THRB: variants seen among roughly 807,000 people sequenced by gnomAD.
The protein encoded by THRB is thyroid hormone receptor beta, also known as nuclear receptor subfamily 1 group A member 2.
Under a neutral mutation model 47.8 loss-of-function variants are expected in THRB, and 12 were observed. The ratio of observed to expected loss-of-function variants is 0.25; its 90% confidence interval spans 0.16 to 0.41. The LOEUF (loss-of-function observed/expected upper bound fraction) is 0.41, where lower values mean the gene tolerates loss of function less well. Among genes scored for constraint, THRB ranks in the 10% least tolerant of loss-of-function variants. The pLI, the probability that THRB is intolerant of heterozygous loss-of-function variation, is 1.00. For missense variants in THRB, 348 were observed against 589.2 expected, an observed-to-expected ratio of 0.59 and a Z score of 4.24; for synonymous variants, 218 against 212.2, an observed-to-expected ratio of 1.03 and a Z score of -0.24.
At chr3:24,422,733 C>G (rs2069387784) in intron 1 of THRB, among the ~76,000 whole-genome samples, 1 of 151,856 alleles carries the variant, frequency 6.6e-6, no homozygotes, top group South Asian at 2.1e-4. Flanking sequence ...AAAGTTCAGG[C>G]CTTACATCAA....
At chr3:24,467,393 C>A (rs2074240106) in intron 1 of THRB, among the ~76,000 whole-genome samples, 1 of 152,150 alleles carries the variant, frequency 6.6e-6, no homozygotes, top group Non-Finnish European at 1.5e-5. Context: ...CACGAATATC[C>A]TTATTGGCAT....
At chr3:24,204,749 C>T (rs1192712283) in intron 4 of THRB, among the ~76,000 whole-genome samples, 1 of 152,122 alleles carries the variant, frequency 6.6e-6, no homozygotes, top group Non-Finnish European at 1.5e-5. Context: ...AAGCTAAAAA[C>T]CTTGAAAAAA....
intron 1 of THRB, among the ~76,000 whole-genome samples, chr3:24,342,724 G>T (rs1275223586): frequency 6.6e-6 from 1 of 152,076 alleles, no homozygotes; most frequent in Non-Finnish European, 1.5e-5. Context: ...ACCATACAAG[G>T]TGTTGCTCAG....
At chr3:24,170,549 C>T (rs1222908399) in intron 5 of THRB, among the ~76,000 whole-genome samples, 2 of 152,210 alleles carry the variant, frequency 1.3e-5, no homozygotes, top group East Asian at 3.9e-4. Flanking sequence ...TACTTATCAA[C>T]CCTCCTGCTT....
In THRB at chr3:24,450,585, C is replaced by T. The variant is rs76433668; in HGVS notation, c.-261+44067G>A. Among the ~76,000 whole-genome samples, 83 of 152,294 alleles carry T rather than the reference C, an allele frequency of 5.4e-4. No homozygotes were observed. The East Asian group carries it at 0.015, about 28-fold the overall frequency. ...CAATTCATGACAACCTTTGTACTTA[C>T]TGTTCCTAAAAACTCAAAGACGAGT... On this transcript the variant is annotated intron_variant, in intron 1 of 10. Coordinates refer to ENST00000646209, the MANE Select transcript of THRB (RefSeq NM_001354712.2).
At position 24,190,297 on chromosome 3, in the gene THRB, A is replaced by G. The variant is rs2043172721; in HGVS notation, c.60T>C (p.Cys20=). 1 of 1,614,052 alleles carries G rather than the reference A, an allele frequency of 6.2e-7. No homozygotes were observed. The highest frequency in any genetic ancestry group is 8.5e-7 in the Non-Finnish European group (1 of 1,179,958). ...GLTAWDKPKH[C]PDREHDWKLV... is the part of the protein sequence containing the mutation. Reference sequence around the variant, plus strand: ...GCTTCCAGTCGTGTTCTCGGTCTGGACAGTGCTTCGGTTTGTCCCAGGCTG... The same window carrying G: ...GCTTCCAGTCGTGTTCTCGGTCTGGGCAGTGCTTCGGTTTGTCCCAGGCTG... The change falls in exon 5 of 11, where the codon TGT becomes TGC. Residue 20 remains cysteine, a synonymous_variant. Transcript: ENST00000646209.
intron 3 of THRB, among the ~76,000 whole-genome samples, chr3:24,233,488 A>G (rs2048451405): frequency 1.1e-5 from 1 of 89,172 alleles, no homozygotes; most frequent in African/African-American, 4.4e-5. Flanking sequence ...TAAGAAAAGA[A>G]AAAAAGAAAG....
intron 3 of THRB, among the ~76,000 whole-genome samples, chr3:24,273,121 A>C (rs826236): frequency 0.88 from 134,413 of 152,146 alleles, 59,807 homozygotes; most frequent in East Asian, 0.96. Flanking sequence ...ACAGGTTGCT[A>C]TGAATTAAAC....
chr3:24,488,734 C>T (rs892272741), intron 1 of THRB, among the ~76,000 whole-genome samples: 27 of 151,938 alleles, frequency 1.8e-4, no homozygotes, highest in African/African-American at 6.5e-4. Flanking sequence ...TCCTTCACTG[C>T]CTTAAATGAA....
rs182790495 is a variant in THRB at position 24,401,061 on chromosome 3, A to G, written c.-260-63690T>C. Reference sequence around the variant, plus strand: ...AGTACTTACATCTCATTAACCACCAATTATCACATTCATAATTTAACACAA... The same window carrying G: ...AGTACTTACATCTCATTAACCACCAGTTATCACATTCATAATTTAACACAA... On this transcript the variant is annotated intron_variant, in intron 1 of 10. Coordinates refer to ENST00000646209, the MANE Select transcript of THRB (RefSeq NM_001354712.2). Among the ~76,000 whole-genome samples, 788 of 152,162 alleles carry G rather than the reference A, an allele frequency of 5.2e-3. 10 individuals are homozygous for G. Among genetic ancestry groups the G allele is most frequent in the African/African-American group, 0.018 (731 of 41,554 alleles).
intron 1 of THRB, among the ~76,000 whole-genome samples, chr3:24,380,677 G>C (rs1456118853): frequency 6.6e-6 from 1 of 152,078 alleles, no homozygotes; most frequent in East Asian, 1.9e-4. Context: ...TACCTAGAAA[G>C]AACTGTACAG....
chr3:24,199,619 AATC>A (rs2044364423), intron 4 of THRB, among the ~76,000 whole-genome samples: 1 of 152,230 alleles, frequency 6.6e-6, no homozygotes, highest in African/African-American at 2.4e-5. Context: ...AATGAAAAAC[AATC>A]ATCATGACTG....
intron 4 of THRB, among the ~76,000 whole-genome samples, chr3:24,196,857 A>G (rs1242787235): frequency 6.6e-6 from 1 of 152,210 alleles, no homozygotes; most frequent in Non-Finnish European, 1.5e-5. Context: ...TGGTAGCTCA[A>G]ATAACATAAC....
intron 1 of THRB, among the ~76,000 whole-genome samples, chr3:24,418,175 G>T (rs1182381941): frequency 2.6e-5 from 4 of 151,270 alleles, no homozygotes; most frequent in Non-Finnish European, 4.4e-5. Flanking sequence ...TGTTATAGCA[G>T]TCTGCAACCC....
intron 4 of THRB, among the ~76,000 whole-genome samples, chr3:24,225,535 C>T (rs980904600): frequency 6.6e-6 from 1 of 152,196 alleles, no homozygotes; most frequent in Non-Finnish European, 1.5e-5. Context: ...TAATATCATA[C>T]AGCCAGGTTC....
At chr3:24,193,881 C>G (rs898920986) in intron 4 of THRB, among the ~76,000 whole-genome samples, 1 of 152,168 alleles carries the variant, frequency 6.6e-6, no homozygotes, top group African/African-American at 2.4e-5. Flanking sequence ...AAATGCCCAT[C>G]AATCAACTCA....
chr3:24,176,915 C>T (rs529339586), intron 5 of THRB, among the ~76,000 whole-genome samples: 3 of 152,116 alleles, frequency 2.0e-5, no homozygotes, highest in Non-Finnish European at 2.9e-5. Flanking sequence ...GAACTATACA[C>T]TTAAAACAGG....
intron 4 of THRB, among the ~76,000 whole-genome samples, chr3:24,196,589 C>T (rs1368410656): frequency 6.6e-6 from 1 of 151,978 alleles, no homozygotes; most frequent in African/African-American, 2.4e-5. Context: ...AAGAGCATTC[C>T]CCCCACCCCA....
chr3:24,256,286 T>A (rs1318883249), intron 3 of THRB, among the ~76,000 whole-genome samples: 1 of 89,478 alleles, frequency 1.1e-5, no homozygotes, highest in African/African-American at 3.2e-5. Context: ...ACTTGGTTAG[T>A]GGAAGAGGGC....
Sources: gnomAD v4.1 joint callset for allele counts (sites outside exome capture counted in the v4.1 genomes callset) on GRCh38, gnomAD v4.1.1 for gene constraint, MANE v1.5 for transcripts, NCBI Gene and HGNC (gene_info 2026-07-23, HGNC 2026-07-21) for gene names.